The following BTRC variants were observed in gnomAD, a reference collection of about 807,000 sequenced individuals.
BTRC encodes the protein beta-transducin repeat containing E3 ubiquitin protein ligase, also known as F-box/WD repeat-containing protein 1A.
In BTRC, 42 loss-of-function variants were observed where a neutral mutation model predicts 85.5. The observed-to-expected ratio is 0.49, with a 90% CI of 0.38 to 0.64. The LOEUF is 0.64. Among genes scored for constraint, BTRC ranks in the 30% least tolerant of loss-of-function variants. BTRC has a pLI of 0.00. For synonymous variants in BTRC, 255 were observed against 263.3 expected (o/e 0.97, Z 0.30); for missense variants, 594 against 743.5 (o/e 0.80, Z 2.34).
intron 4 of BTRC, among the ~76,000 whole-genome samples, chr10:101,517,779 G>A (rs1446853790): frequency 6.6e-6 from 1 of 152,094 alleles, no homozygotes; most frequent in Non-Finnish European, 1.5e-5. Flanking sequence ...CTCATATCCA[G>A]TCGATCAGCA....
rs1156995902 is a variant in BTRC, at chr10:101,479,364, A to G, written c.235-4A>G. On this transcript the variant is annotated splice_polypyrimidine_tract_variant and splice_region_variant and intron_variant, in intron 3 of 14. Coordinates refer to ENST00000370187, the MANE Select transcript of BTRC (RefSeq NM_033637.4). The stretch of plus-strand genomic sequence containing the variant: ...AACCTGTTTCCAACAAATTCTCTTT[A>G]CAGACATACAACAGCTGTGCCAGAC... 1.2e-6 allele frequency: 2 copies of G among 1,609,560 alleles called. No homozygotes were observed. The highest frequency in any genetic ancestry group is 2.2e-5 in the South Asian group (2 of 90,844).
intron 4 of BTRC, 124 bp downstream of exon 4, chr10:101,479,581 A>G: frequency 1.5e-6 from 1 of 645,644 alleles, no homozygotes; most frequent in Non-Finnish European, 2.5e-6. Context: ...AAAAATACAA[A>G]CAGGCATCAT....
At chr10:101,393,647 A>G (rs1287583616) in intron 1 of BTRC, among the ~76,000 whole-genome samples, 1 of 152,204 alleles carries the variant, frequency 6.6e-6, no homozygotes, top group African/African-American at 2.4e-5. Context: ...AACAAAAACA[A>G]CCCACATTTG....
intron 5 of BTRC, 134 bp downstream of exon 5, chr10:101,522,004 T>C (rs1267279749): frequency 1.7e-5 from 8 of 466,556 alleles, no homozygotes; most frequent in Non-Finnish European, 3.0e-5. Flanking sequence ...TGTACCTTTT[T>C]GATATAAAGC....
chr10:101,495,152 A>G (rs946612420), intron 4 of BTRC, among the ~76,000 whole-genome samples: 15 of 152,252 alleles, frequency 9.9e-5, no homozygotes, highest in African/African-American at 3.4e-4. Flanking sequence ...TACTACAGGT[A>G]CAGTGGTTAT....
intron 1 of BTRC, among the ~76,000 whole-genome samples, chr10:101,418,140 G>A (rs1257316736): frequency 1.3e-5 from 2 of 152,202 alleles, no homozygotes; most frequent in Non-Finnish European, 2.9e-5. Flanking sequence ...GCCGAGGCAG[G>A]TGGGTCATTT....
At position 101,522,367 on chromosome 10, in the gene BTRC, CAA is replaced by C. The variant is rs1163028567; in HGVS notation, c.556+505_556+506del. Among the ~76,000 whole-genome samples the C allele has an allele frequency of 1.4e-3, 31 of 21,416 alleles. 1 individual carries two copies. Among genetic ancestry groups the C allele is most frequent in the African/African-American group, 7.6e-3 (29 of 3,802 alleles). 14.0% of individuals were successfully genotyped at this position (21,416 alleles called of 152,430 possible). Reference sequence around the variant, plus strand: ...TATAAAGCTTTAAAAAAAAAAAAAACAAAAAAAAACAAAAAAAAAAAAACTCT... The same window carrying C: ...TATAAAGCTTTAAAAAAAAAAAAAACAAAAAAACAAAAAAAAAAAAACTCT... On this transcript the variant is annotated intron_variant, in intron 5 of 14. Coordinates refer to ENST00000370187, the MANE Select transcript of BTRC (RefSeq NM_033637.4).
intron 2 of BTRC, among the ~76,000 whole-genome samples, chr10:101,455,858 ATGGCCGGGCATGG>A (rs1468239018): frequency 6.6e-6 from 1 of 152,098 alleles, no homozygotes; most frequent in Non-Finnish European, 1.5e-5. Context: ...GATGATTCTA[ATGGCCGGGCATGG>A]TGGCTTACGC....
intron 4 of BTRC, among the ~76,000 whole-genome samples, chr10:101,483,708 A>G (rs546574774): frequency 1.2e-4 from 18 of 152,146 alleles, no homozygotes; most frequent in South Asian, 1.0e-3. Flanking sequence ...TCTCCTGGTT[A>G]TGGCCCTGTG....
At chr10:101,385,861 T>C (rs1003085434) in intron 1 of BTRC, among the ~76,000 whole-genome samples, 25 of 152,070 alleles carry the variant, frequency 1.6e-4, no homozygotes, top group South Asian at 2.1e-4. Flanking sequence ...AGTATATTTT[T>C]ATTTAAAAGG....
At chr10:101,473,921 C>G (rs551524947) in intron 3 of BTRC, among the ~76,000 whole-genome samples, 1 of 152,224 alleles carries the variant, frequency 6.6e-6, no homozygotes, top group East Asian at 1.9e-4. Context: ...TCAGATAATG[C>G]ACTTTTCAGT....
In BTRC at chr10:101,381,148, C is replaced by T. The variant is rs527996309; in HGVS notation, c.48+26920C>T. On this transcript the variant is annotated intron_variant, in intron 1 of 14. Transcript: ENST00000370187. ...GTGATAATAATAACAATAATAATGG[C>T]AGCCAACACTTGTAGCTCAGTATAT... Among the ~76,000 whole-genome samples the T allele has an allele frequency of 3.0e-4, 46 of 152,130 alleles. 1 individual carries two copies. The South Asian group carries it at 9.5e-3, about 32-fold the overall frequency.
intron 5 of BTRC, among the ~76,000 whole-genome samples, chr10:101,522,364 A>C (rs1352622019): frequency 2.7e-5 from 2 of 73,030 alleles, no homozygotes; most frequent in African/African-American, 5.5e-5. Flanking sequence ...AAAAAAAAAA[A>C]AACAAAAAAA....
chr10:101,397,396 A>G (rs987293920), intron 1 of BTRC, among the ~76,000 whole-genome samples: 1 of 152,214 alleles, frequency 6.6e-6, no homozygotes, highest in Non-Finnish European at 1.5e-5. Context: ...CTGAAAGTAA[A>G]TAGTGTAAGA....
At chr10:101,487,024 T>A (rs1946007485) in intron 4 of BTRC, among the ~76,000 whole-genome samples, 1 of 152,204 alleles carries the variant, frequency 6.6e-6, no homozygotes, top group Non-Finnish European at 1.5e-5. Context: ...TAAGAACATA[T>A]CATTTAAATT....
At chr10:101,366,956 A>AT (rs1174499938) in intron 1 of BTRC, among the ~76,000 whole-genome samples, 1 of 53,184 alleles carries the variant, frequency 1.9e-5, no homozygotes, top group African/African-American at 6.3e-5. Flanking sequence ...ATTTATATAT[A>AT]TATTTATATA....
intron 4 of BTRC, among the ~76,000 whole-genome samples, chr10:101,517,274 T>C (rs1039165151): frequency 6.6e-6 from 1 of 152,200 alleles, no homozygotes; most frequent in African/African-American, 2.4e-5. Context: ...CTTGAAAATA[T>C]GCTTTCAGCT....
At position 101,508,913 on chromosome 10, in the gene BTRC, T is replaced by TAAAAAAAAAAAAAAAA. The variant is rs59998718; in HGVS notation, c.325-12718_325-12703dup. ...TGGGCAACAATGCAAGACTCCATCT[T>TAAAAAAAAAAAAAAAA]AAAAAAAAAAAAAAAAAAAAAAACT... is the stretch of plus-strand genomic sequence containing the variant. On this transcript the variant is annotated intron_variant, in intron 4 of 14. Coordinates refer to ENST00000370187, the MANE Select transcript of BTRC (RefSeq NM_033637.4). 1.5e-3 allele frequency among the ~76,000 whole-genome samples: 153 copies of TAAAAAAAAAAAAAAAA among 101,920 alleles called. 5 individuals carry two copies. The highest frequency in any genetic ancestry group is 2.0e-3 in the Non-Finnish European group (101 of 50,998). The allele number at this position is 101,920 out of a possible 152,430, so 66.9% of individuals were successfully genotyped here.
At chr10:101,436,632 A>G (rs1272734890) in intron 2 of BTRC, among the ~76,000 whole-genome samples, 1 of 108,680 alleles carries the variant, frequency 9.2e-6, no homozygotes, top group African/African-American at 2.7e-5. Flanking sequence ...AAAAATAGAT[A>G]GATAGATAGA....
Sources: allele counts gnomAD v4.1 joint callset (sites outside exome capture counted in the v4.1 genomes callset), GRCh38; gene constraint gnomAD v4.1.1; transcripts MANE v1.5; gene names NCBI Gene and HGNC (gene_info 2026-07-23, HGNC 2026-07-21).